LRP4: variants seen among roughly 807,000 people sequenced by gnomAD.
LRP4 encodes LDL receptor related protein 4.
Under a neutral mutation model 220.3 loss-of-function variants are expected in LRP4, and 95 were observed. The observed-to-expected ratio is 0.43, with a 90% CI of 0.37 to 0.51. LRP4 has a LOEUF of 0.51. Ranked by LOEUF, LRP4 falls within the 20% of genes least tolerant of loss-of-function variation. The pLI is 0.00. For missense variants in LRP4, 1,925 were observed against 2,567.0 expected (o/e 0.75, Z 5.40); for synonymous variants, 903 against 954.6 (o/e 0.95, Z 1.00).
intron 12 of LRP4, among the ~76,000 whole-genome samples, chr11:46,893,416 C>T (rs563016993): frequency 6.3e-4 from 96 of 152,306 alleles, no homozygotes; most frequent in South Asian, 1.0e-3. Context: ...CTCCCTGACG[C>T]ATTCCCAGGG....
intron 1 of LRP4, among the ~76,000 whole-genome samples, chr11:46,908,423 T>G (rs1452431741): frequency 6.6e-6 from 1 of 152,188 alleles, no homozygotes; most frequent in Non-Finnish European, 1.5e-5. Context: ...CAACCTAATA[T>G]TATCACCACT....
chr11:46,883,320 C>T (rs908957893), intron 19 of LRP4, among the ~76,000 whole-genome samples: 21 of 152,208 alleles, frequency 1.4e-4, no homozygotes, highest in African/African-American at 5.1e-4. Context: ...GGCCATAACG[C>T]CCACACTGGA....
At chr11:46,888,547 T>TAAAAA (rs1941347515) in intron 16 of LRP4, among the ~76,000 whole-genome samples, 1 of 1,612 alleles carries the variant, frequency 6.2e-4, no homozygotes, top group African/African-American at 1.1e-3. Flanking sequence ...CAAAACTGTC[T>TAAAAA]CAAAAAAAAA....
rs776310716 is a variant in LRP4, at chr11:46,868,086, C to T, written c.4980G>A (p.Arg1660=). Residue 1660 remains arginine (R), a synonymous_variant, in exon 34 of 38, where the codon AGG becomes AGA. Coordinates refer to ENST00000378623, the MANE Select transcript of LRP4 (RefSeq NM_002334.4). ...GGCTCTTTTCACTCATGCCAGTAGC[C>T]CTAGGAGCTGGTGGTACCAGGCCAG... The part of the protein sequence containing the change: ...LVPGLVPPAP[R]ATGMSEKSPV... 20 of 1,613,932 alleles carry T rather than the reference C, an allele frequency of 1.2e-5. No homozygotes were observed. Among genetic ancestry groups the T allele is most frequent in the Admixed American group, 1.7e-5 (1 of 59,994 alleles).
chr11:46,895,172 C>A lies in LRP4; in HGVS notation c.1303G>T (p.Ala435Ser). ...ELRPDRRSCK[A>S]LGPEPVLLFA... Reference sequence around the variant, plus strand: ...AAGTGCCAACAGCCCTTACCCAGAGCCTTGCAGCTGCGCCGGTCGGGCCGT... The same window carrying A: ...AAGTGCCAACAGCCCTTACCCAGAGACTTGCAGCTGCGCCGGTCGGGCCGT... Residue 435 changes from alanine to serine, a missense_variant, in exon 11 of 38, where the codon GCT becomes TCT. Ala to Ser is a moderately conservative substitution (Grantham distance 99, BLOSUM62 1). Coordinates refer to ENST00000378623, the MANE Select transcript of LRP4 (RefSeq NM_002334.4). 1 of 1,614,018 alleles carries A rather than the reference C, an allele frequency of 6.2e-7. No individual in the cohort carries two copies. Among genetic ancestry groups the A allele is most frequent in the Non-Finnish European group, 8.5e-7 (1 of 1,180,052 alleles).
At position 46,899,663 on chromosome 11, in the gene LRP4, T is replaced by C. The variant is rs532277005; in HGVS notation, c.431-160A>G. Among the ~76,000 whole-genome samples, 1 of 152,246 alleles carries C rather than the reference T, an allele frequency of 6.6e-6. No individual in the cohort carries two copies. Among genetic ancestry groups the C allele is most frequent in the South Asian group, 2.1e-4 (1 of 4,812 alleles). ...GACTCTCCAGGGAGAACGGAGGCCC[T>C]GGAGAGACTGGGCCTCAGCCTCCTG... On this transcript the variant is annotated intron_variant, in intron 4 of 37. Coordinates refer to ENST00000378623, the MANE Select transcript of LRP4 (RefSeq NM_002334.4). This position sits in a 1 kb window ranked among gnomAD's most constrained non-coding sequence, Gnocchi z 5.9.
In LRP4 at chr11:46,896,940, C is replaced by T. The variant is rs369307795; in HGVS notation, c.851G>A (p.Arg284His). Residue 284 changes from arginine to histidine, a missense_variant, in exon 8 of 38, where the codon CGC becomes CAC. Physicochemically the swap from Arg to His is conservative, Grantham distance 29 (BLOSUM62 0). Coordinates refer to ENST00000378623, the MANE Select transcript of LRP4 (RefSeq NM_002334.4). ...CTCCCCATCACAGCGCCAGGACAGGCGGACACAGCGGCCTGAGTGACAGCG... is the reference window on the plus strand; with the variant it reads ...CTCCCCATCACAGCGCCAGGACAGGTGGACACAGCGGCCTGAGTGACAGCG... ...QFRCHSGRCV[R>H]LSWRCDGEDD... 38 of 1,614,086 alleles carry T rather than the reference C, an allele frequency of 2.4e-5. No homozygotes were observed. Among genetic ancestry groups the T allele is most frequent in the Admixed American group, 3.3e-5 (2 of 60,004 alleles).
At chr11:46,886,620 G>T in intron 16 of LRP4, 87 bp from the exon 17 acceptor site, 1 of 1,120,994 alleles carries the variant, frequency 8.9e-7, no homozygotes, top group Non-Finnish European at 1.3e-6. Context: ...GTGACATCTG[G>T]TTCAATCACA....
rs944355948 is a variant in LRP4 at position 46,870,295 on chromosome 11, C to CA, written c.4693-1164dup. ...AAAACAACAACAACAACAAAACAAA[C>CA]AAAAAAAATGCTTTTTGGCTAGTGG... On this transcript the variant is annotated intron_variant, in intron 31 of 37. Transcript: ENST00000378623. Among the ~76,000 whole-genome samples, 20 of 151,918 alleles carry CA rather than the reference C, an allele frequency of 1.3e-4. No individual in the cohort carries two copies. The South Asian group carries it at 1.9e-3, about 14-fold the overall frequency.
rs1197048012 is a variant in LRP4 at position 46,880,426 on chromosome 11, C to A, written c.2815-1111G>T. ...GACTAGCCTAGACAACAAAGTGAGA[C>A]CCCCATCTCTACAAAAAATAAAAAA... On this transcript the variant is annotated intron_variant, in intron 20 of 37. Transcript: ENST00000378623. Among the ~76,000 whole-genome samples, 3 of 133,030 alleles carry A rather than the reference C, an allele frequency of 2.3e-5. No homozygotes were observed. In the Admixed American group the frequency reaches 2.5e-4, roughly 11 times the overall value. The allele number at this position is 133,030 out of a possible 152,430, so 87.3% of individuals were successfully genotyped here.
rs1481506185 is a variant in LRP4 at position 46,899,255 on chromosome 11, TAGG to T, written c.547+129_547+131del. 3.3e-6 allele frequency: 3 copies of T among 922,282 alleles called. No homozygotes were observed. The highest frequency in any genetic ancestry group is 5.4e-6 in the Non-Finnish European group (3 of 560,510). 57.1% of individuals were successfully genotyped at this position (922,282 alleles called of 1,614,324 possible). A position where few individuals can be genotyped will look rare whatever the true frequency, so the allele number is the denominator to read the frequency against. ...AACTTGCTCCCTCCCTAGCTCAGCCTAGGAGGAGCTGCTGCTGAGGCACCCATG... is the reference window on the plus strand; with the variant it reads ...AACTTGCTCCCTCCCTAGCTCAGCCTAGGAGCTGCTGCTGAGGCACCCATG... On this transcript the variant is annotated intron_variant, in intron 5 of 37. Transcript: ENST00000378623. This position sits in a 1 kb window ranked among gnomAD's most constrained non-coding sequence, Gnocchi z 5.9.
At chr11:46,912,248 G>C (rs1941872303) in intron 1 of LRP4, among the ~76,000 whole-genome samples, 1 of 152,132 alleles carries the variant, frequency 6.6e-6, no homozygotes, top group Non-Finnish European at 1.5e-5. Context: ...CAGTACCAGG[G>C]ACACAGCAAA....
At chr11:46,916,882 C>T (rs548044561) in intron 1 of LRP4, among the ~76,000 whole-genome samples, 2 of 152,304 alleles carry the variant, frequency 1.3e-5, no homozygotes, top group Admixed American at 6.5e-5. Context: ...ATTCCTACCC[C>T]AGTAGGGCCG....
Position 46,873,932 on chromosome 11 carries a change from T to C in LRP4, c.4230-339A>G, listed in dbSNP as rs955674528. The C allele has an allele frequency of 2.8e-5, 9 of 320,998 alleles. No individual in the cohort carries two copies. In the South Asian group the frequency reaches 7.7e-4, roughly 27 times the overall value. The allele number at this position is 320,998 out of a possible 1,614,324, so 19.9% of individuals were successfully genotyped here. ...AGGTGGTGATGATAAGAAACGCAGA[T>C]TTGTCAAAACCAACCTGTGCATTTT... is the stretch of plus-strand genomic sequence containing the variant. On this transcript the variant is annotated intron_variant, in intron 28 of 37. Transcript: ENST00000378623. The surrounding 1 kb of genome is among the most constrained non-coding windows in gnomAD (Gnocchi z 4.2).
intron 34 of LRP4, among the ~76,000 whole-genome samples, 200 bp from the exon 35 acceptor site, chr11:46,865,386 T>C (rs967238768): frequency 1.3e-5 from 2 of 152,242 alleles, no homozygotes; most frequent in African/African-American, 4.8e-5. Context: ...CAAGCCGTTA[T>C]ACCATGTTTA....
At position 46,891,322 on chromosome 11, in the gene LRP4, C is replaced by T. The variant is rs1452188375; in HGVS notation, c.1698-828G>A. 8.6e-5 allele frequency among the ~76,000 whole-genome samples: 13 copies of T among 151,876 alleles called. No homozygotes were observed. In the East Asian group the frequency reaches 2.3e-3, roughly 27 times the overall value. ...AGAGATGGGGTTTCACCATGTTGGC[C>T]AGGCTGGTCTCAAACTCCTGACCCC... On this transcript the variant is annotated intron_variant, in intron 13 of 37. Coordinates refer to ENST00000378623, the MANE Select transcript of LRP4 (RefSeq NM_002334.4).
In LRP4 at chr11:46,890,257, G is replaced by A. The variant is rs1288858514; in HGVS notation, c.1915+20C>T. On this transcript the variant is annotated intron_variant, in intron 14 of 37. Coordinates refer to ENST00000378623, the MANE Select transcript of LRP4 (RefSeq NM_002334.4). The surrounding 1 kb of genome is among the most constrained non-coding windows in gnomAD (Gnocchi z 5.3). The stretch of plus-strand genomic sequence containing the variant: ...GGGCAGGAGGACAAGAGATGAAGGA[G>A]ACTGAAGGAAGGGGCTCACCCTGGC... 1 of 1,613,006 alleles carries A rather than the reference G, an allele frequency of 6.2e-7. No homozygotes were observed. Among genetic ancestry groups the A allele is most frequent in the Admixed American group, 1.7e-5 (1 of 60,008 alleles).
chr11:46,897,015 A>T, intron 7 of LRP4, 21 bp from the exon 8 acceptor site: 2 of 1,614,038 alleles, frequency 1.2e-6, no homozygotes, highest in Non-Finnish European at 8.5e-7. Flanking sequence ...CAAAGGCTTA[A>T]TGAAAGGTGG....
rs556966652 is a variant in LRP4 at position 46,895,378 on chromosome 11, A to G, written c.1184-87T>C. 80 of 1,561,820 alleles carry G rather than the reference A, an allele frequency of 5.1e-5. 1 individual carries two copies. In the South Asian group the frequency reaches 8.9e-4, roughly 17 times the overall value. The stretch of plus-strand genomic sequence containing the variant: ...GCTGCCGAGCTGCTTTTCTGCCCAC[A>G]TCCCCATCTACTTTCCAGGCCTAGT... On this transcript the variant is annotated intron_variant, in intron 10 of 37. Coordinates refer to ENST00000378623, the MANE Select transcript of LRP4 (RefSeq NM_002334.4).
Sources: gnomAD v4.1 joint callset for allele counts (sites outside exome capture counted in the v4.1 genomes callset) on GRCh38, gnomAD v4.1.1 for gene constraint, Gnocchi (gnomAD v3.1) non-coding constraint, MANE v1.5 for transcripts, NCBI Gene and HGNC (gene_info 2026-07-23, HGNC 2026-07-21) for gene names.